Variants in GTF2E2 observed in about 807,000 individuals in gnomAD.
The protein encoded by GTF2E2 is transcription initiation factor IIE subunit beta.
GTF2E2 carries 21 observed loss-of-function variants against 40.5 expected under a neutral mutation model. The observed-to-expected ratio is 0.52, with a 90% CI of 0.37 to 0.75. The LOEUF (loss-of-function observed/expected upper bound fraction) is 0.75, where lower values mean the gene tolerates loss of function less well. Among genes scored for constraint, GTF2E2 ranks in the 30% least tolerant of loss-of-function variants. The pLI is 0.00. For missense variants in GTF2E2, 298 were observed against 338.4 expected, an observed-to-expected ratio of 0.88 and a Z score of 0.94; for synonymous variants, 117 against 121.6, an observed-to-expected ratio of 0.96 and a Z score of 0.25.
At chr8:30,622,344 G>A (rs1274248001) in intron 3 of GTF2E2, among the ~76,000 whole-genome samples, 1 of 151,896 alleles carries the variant, frequency 6.6e-6, no homozygotes, top group East Asian at 1.9e-4. Flanking sequence ...CCCACAAGCT[G>A]CAAAACCAGC....
chr8:30,631,705 C>T (rs1478867990), intron 3 of GTF2E2, among the ~76,000 whole-genome samples: 4 of 152,106 alleles, frequency 2.6e-5, no homozygotes, highest in Non-Finnish European at 5.9e-5. Context: ...TCATTAATTA[C>T]CCAAATAAAA....
intron 2 of GTF2E2, among the ~76,000 whole-genome samples, chr8:30,641,570 G>A (rs1299565273): frequency 2.0e-5 from 3 of 152,102 alleles, no homozygotes; most frequent in Non-Finnish European, 4.4e-5. Context: ...ACATTGCCCA[G>A]GCTGGTCTCA....
chr8:30,656,857 C>G (rs1802465858), intron 1 of GTF2E2: 2 of 145,050 alleles, frequency 1.4e-5, no homozygotes, highest in Admixed American at 6.8e-5. Context: ...TTACAACAAA[C>G]TAAATGCTTA....
intron 2 of GTF2E2, among the ~76,000 whole-genome samples, chr8:30,642,796 A>T (rs1297214434): frequency 2.0e-5 from 3 of 152,244 alleles, no homozygotes; most frequent in African/African-American, 7.2e-5. Flanking sequence ...ATTTAACCAG[A>T]AGAATAGCTC....
At chr8:30,595,202 G>A (rs1828965613) in intron 6 of GTF2E2, among the ~76,000 whole-genome samples, 1 of 152,072 alleles carries the variant, frequency 6.6e-6, no homozygotes, top group Non-Finnish European at 1.5e-5. Flanking sequence ...CATATGTCAT[G>A]TAAAGACATT....
chr8:30,626,950 T>C (rs902684639), intron 3 of GTF2E2, among the ~76,000 whole-genome samples: 1 of 152,270 alleles, frequency 6.6e-6, no homozygotes. Flanking sequence ...CTTCATCTTT[T>C]TGTTTTTAAA....
chr8:30,595,557 C>CA (rs1485947292), intron 6 of GTF2E2, among the ~76,000 whole-genome samples: 1 of 152,132 alleles, frequency 6.6e-6, no homozygotes, highest in Non-Finnish European at 1.5e-5. Flanking sequence ...TTGCCGGATG[C>CA]AGTTGCTCAC....
intron 6 of GTF2E2, among the ~76,000 whole-genome samples, chr8:30,601,296 T>C (rs1674934477): frequency 6.6e-6 from 1 of 152,218 alleles, no homozygotes; most frequent in African/African-American, 2.4e-5. Flanking sequence ...CACCACCAAG[T>C]GTGCGGAATG....
At chr8:30,645,461 T>C (rs1485038205) in intron 2 of GTF2E2, 3 of 1,535,698 alleles carry the variant, frequency 2.0e-6, no homozygotes, top group Non-Finnish European at 2.6e-6. Context: ...TCTTTAGTGG[T>C]GCTGGCTTTC....
chr8:30,619,222 G>A (rs911941579), intron 3 of GTF2E2, among the ~76,000 whole-genome samples: 1 of 152,104 alleles, frequency 6.6e-6, no homozygotes, highest in Non-Finnish European at 1.5e-5. Flanking sequence ...TTACAGGCAT[G>A]AGCCACCGTG....
At chr8:30,616,010 C>G (rs1254666487) in intron 3 of GTF2E2, among the ~76,000 whole-genome samples, 2 of 151,952 alleles carry the variant, frequency 1.3e-5, no homozygotes, top group Non-Finnish European at 2.9e-5. Context: ...AATGAGCTAT[C>G]AAGCTATGAA....
chr8:30,639,588 T>C (rs563600144), intron 2 of GTF2E2, among the ~76,000 whole-genome samples: 15 of 152,258 alleles, frequency 9.9e-5, no homozygotes, highest in Non-Finnish European at 1.5e-4. Flanking sequence ...CAATCATTCA[T>C]GTCTATTAAA....
chr8:30,621,758 ATACT>A (rs1447167807), intron 3 of GTF2E2, among the ~76,000 whole-genome samples: 3 of 152,034 alleles, frequency 2.0e-5, no homozygotes, highest in Admixed American at 2.0e-4. Context: ...GCTTTTCTAC[ATACT>A]TAATCACATC....
intron 6 of GTF2E2, among the ~76,000 whole-genome samples, chr8:30,597,812 G>C (rs1336480035): frequency 2.6e-5 from 4 of 152,216 alleles, no homozygotes; most frequent in Non-Finnish European, 4.4e-5. Flanking sequence ...GCTGTTTAAT[G>C]AATGTGGCTA....
intron 3 of GTF2E2, among the ~76,000 whole-genome samples, chr8:30,617,849 C>G (rs1437021650): frequency 1.3e-5 from 2 of 151,942 alleles, no homozygotes; most frequent in Non-Finnish European, 1.5e-5. Context: ...TGAATGACGA[C>G]ATGATTAACT....
chr8:30,581,985 T>C (rs1445207817), intron 6 of GTF2E2, among the ~76,000 whole-genome samples: 2 of 152,212 alleles, frequency 1.3e-5, no homozygotes, highest in East Asian at 3.8e-4. Context: ...TACTACACCC[T>C]AGACAAGACA....
At chr8:30,637,617 G>C (rs532896666) in intron 2 of GTF2E2, among the ~76,000 whole-genome samples, 1 of 152,056 alleles carries the variant, frequency 6.6e-6, no homozygotes, top group East Asian at 1.9e-4. Context: ...TCTGCCATTC[G>C]GGTTCAAGCA....
In GTF2E2 at chr8:30,641,122, G is replaced by A. The variant is rs149301089; in HGVS notation, c.167-5999C>T. Among the ~76,000 whole-genome samples the A allele has an allele frequency of 5.1e-3, 782 of 152,206 alleles. 3 individuals carry two copies. The highest frequency in any genetic ancestry group is 7.4e-3 in the Non-Finnish European group (501 of 68,006). On this transcript the variant is annotated intron_variant, in intron 2 of 7. Coordinates refer to ENST00000355904, the MANE Select transcript of GTF2E2 (RefSeq NM_002095.6). ...AAGAACATGCCACACTAAATTTAAG[G>A]TGGAAAATGACTCCATATTAGAGAG...
chr8:30,656,660 G>T (rs1263907858), intron 1 of GTF2E2, among the ~76,000 whole-genome samples: 2 of 151,968 alleles, frequency 1.3e-5, no homozygotes. Context: ...TTTAAAAAAT[G>T]TGCAGGGTGT....
Sources: allele counts gnomAD v4.1 joint callset (sites outside exome capture counted in the v4.1 genomes callset), GRCh38; gene constraint gnomAD v4.1.1; transcripts MANE v1.5; gene names NCBI Gene and HGNC (gene_info 2026-07-23, HGNC 2026-07-21).